Variants in MTCL1 observed in about 807,000 individuals in gnomAD.
The protein encoded by MTCL1 is microtubule crosslinking factor 1, also known as microtubule cross-linking factor 1.
A neutral mutation model predicts 141.4 loss-of-function variants in MTCL1; 79 were observed. The observed-to-expected ratio is 0.56, with a 90% CI of 0.47 to 0.67. The LOEUF (loss-of-function observed/expected upper bound fraction) is 0.67. Ranked by LOEUF, MTCL1 falls within the 30% of genes least tolerant of loss-of-function variation. MTCL1 has a pLI of 0.00. For missense variants in MTCL1, 2,177 were observed against 2,113.9 expected (o/e 1.03, Z -0.59); for synonymous variants, 914 against 875.8 (o/e 1.04, Z -0.77).
Position 8,718,663 on chromosome 18 carries a change from G to T in MTCL1, c.198+15G>T. On this transcript the variant is annotated intron_variant, in intron 3 of 16. Coordinates refer to ENST00000359865, the Ensembl canonical transcript of MTCL1. ...AGGACTTGAAGGTGAGTGAGGGGGT[G>T]GTGCGTGCACCTCGCAAGGCTGCTG... is the stretch of plus-strand genomic sequence containing the variant. 6.2e-7 allele frequency: 1 copy of T among 1,611,280 alleles called. No individual in the cohort carries two copies. Among genetic ancestry groups the T allele is most frequent in the East Asian group, 2.2e-5 (1 of 44,864 alleles).
At chr18:8,785,619 T>C (rs1421481553) in intron 6 of MTCL1, 1 of 325,962 alleles carries the variant, frequency 3.1e-6, no homozygotes, top group East Asian at 7.0e-5. Flanking sequence ...GAGTTCTGGA[T>C]TCACGCATCG....
At chr18:8,814,843 G>A (rs1005714654) in intron 12 of MTCL1, among the ~76,000 whole-genome samples, 15 of 152,142 alleles carry the variant, frequency 9.9e-5, no homozygotes, top group Non-Finnish European at 1.9e-4. Context: ...GTCACACCTT[G>A]GATATAAATT....
At chr18:8,798,028 A>C (rs1475300521) in intron 9 of MTCL1, 69 bp from the exon 9 acceptor site, 7 of 1,439,458 alleles carry the variant, frequency 4.9e-6, no homozygotes, top group Non-Finnish European at 6.6e-6. Context: ...ATCCTCAGAC[A>C]GTGAAAATCA....
chr18:8,727,555 C>G (rs566467481), intron 4 of MTCL1, among the ~76,000 whole-genome samples: 1 of 152,298 alleles, frequency 6.6e-6, no homozygotes, highest in Non-Finnish European at 1.5e-5. Context: ...TGATGTGGAG[C>G]ATTTCTTCAT....
chr18:8,773,102 CTCACGATGA>C (rs946963898), intron 4 of MTCL1, among the ~76,000 whole-genome samples: 1 of 152,130 alleles, frequency 6.6e-6, no homozygotes, highest in African/African-American at 2.4e-5. Context: ...ATAGTACTCA[CTCACGATGA>C]TAGAAGGTGC....
intron 12 of MTCL1, among the ~76,000 whole-genome samples, chr18:8,816,551 T>G (rs2076662102): frequency 6.6e-6 from 1 of 152,186 alleles, no homozygotes; most frequent in African/African-American, 2.4e-5. Flanking sequence ...ACACTACATT[T>G]CTCCTTAGAA....
chr18:8,784,569 G>T (rs150698375), exon 6 of MTCL1: 1 of 1,609,722 alleles, frequency 6.2e-7, no homozygotes, highest in South Asian at 1.1e-5. Context: ...GGGCTGCGGG[G>T]TGGTGCGCCC....
intron 6 of MTCL1, among the ~76,000 whole-genome samples, chr18:8,785,078 CT>C (rs2096547305): frequency 6.9e-6 from 1 of 144,554 alleles, no homozygotes; most frequent in African/African-American, 2.6e-5. Flanking sequence ...TTTCTCCTGT[CT>C]TATTTTTAAC....
intron 4 of MTCL1, among the ~76,000 whole-genome samples, chr18:8,746,715 G>A (rs2096340511): frequency 6.6e-6 from 1 of 152,210 alleles, no homozygotes; most frequent in Non-Finnish European, 1.5e-5. Context: ...GTTGGTGCAG[G>A]AGAGAGGGGG....
rs549814850 is a variant in MTCL1, at chr18:8,737,279, G to A, written c.357+16783G>A. Among the ~76,000 whole-genome samples the A allele has an allele frequency of 3.3e-5, 5 of 152,330 alleles. 1 individual carries two copies. Among genetic ancestry groups the A allele is most frequent in the African/African-American group, 1.2e-4 (5 of 41,562 alleles). ...AAGTTTTCTTGAGCTCTTGCACTAGGCTCTGTTTTGACATTTAGTAAATAG... is the reference window on the plus strand; with the variant it reads ...AAGTTTTCTTGAGCTCTTGCACTAGACTCTGTTTTGACATTTAGTAAATAG... On this transcript the variant is annotated intron_variant, in intron 4 of 16. Transcript: ENST00000359865.
chr18:8,715,344 T>C (rs11664601), upstream of MTCL1, among the ~76,000 whole-genome samples: 1,595 of 152,308 alleles, frequency 0.01, 24 homozygotes, highest in Non-Finnish European at 0.017. Context: ...CTTAGGGCTA[T>C]ATTGCATTTT....
rs112044376 is a variant in MTCL1, at chr18:8,815,173, G to A, written c.2859+1940G>A. ...TGCTGCTATAAAGACACATGCACAC[G>A]TATGTTTATTGCGGCAGTATTCACA... On this transcript the variant is annotated intron_variant, in intron 12 of 16. Transcript: ENST00000359865. 8.8e-3 allele frequency among the ~76,000 whole-genome samples: 1,337 copies of A among 152,196 alleles called. 19 individuals are homozygous for A. The highest frequency in any genetic ancestry group is 0.03 in the East Asian group (155 of 5,182).
intron 4 of MTCL1, among the ~76,000 whole-genome samples, chr18:8,741,686 C>A (rs1022241302): frequency 6.6e-5 from 10 of 152,110 alleles, no homozygotes; most frequent in Non-Finnish European, 5.9e-5. Context: ...AGCACAGACT[C>A]GCAAATCAGT....
chr18:8,705,575 G>A (rs1440592433), upstream of MTCL1: 12 of 1,167,300 alleles, frequency 1.0e-5, no homozygotes, highest in South Asian at 2.5e-4. This position sits in a 1 kb window ranked among gnomAD's most constrained non-coding sequence, Gnocchi z 5.2. Context: ...AGAGCGCGCG[G>A]GGAGGCTGCA....
Position 8,798,270 on chromosome 18 carries a change from CAG to C in MTCL1, c.2416_2417del (p.Arg806GlyfsTer32). On this transcript the variant is annotated frameshift_variant, in exon 10 of 17. Transcript: ENST00000359865. LOFTEE classifies it high-confidence loss of function. ...ACAGCTTGCGGCTGCAGACCGCGGA[CAG>C]GGGACAGCCCCACAAACAGGTGGGT... The C allele has an allele frequency of 6.4e-7, 1 of 1,562,342 alleles. No homozygotes were observed. Among genetic ancestry groups the C allele is most frequent in the Non-Finnish European group, 8.7e-7 (1 of 1,155,772 alleles).
intron 10 of MTCL1, among the ~76,000 whole-genome samples, chr18:8,800,013 C>G (rs1020819443): frequency 6.6e-6 from 1 of 152,226 alleles, no homozygotes; most frequent in Non-Finnish European, 1.5e-5. Context: ...ACACTCAGAC[C>G]CAGGTCTGCC....
At chr18:8,829,044 A>G (rs1319617358) in intron 16 of MTCL1, 5 of 1,609,098 alleles carry the variant, frequency 3.1e-6, no homozygotes, top group Non-Finnish European at 3.4e-6. Flanking sequence ...GACGCTCATC[A>G]CCTGAGGGAG....
intron 14 of MTCL1, among the ~76,000 whole-genome samples, chr18:8,824,011 A>G (rs1394088458): frequency 6.6e-6 from 1 of 152,138 alleles, no homozygotes; most frequent in Non-Finnish European, 1.5e-5. Flanking sequence ...GTCTACAGAC[A>G]CCTCATCGCC....
rs376804537 is a variant in MTCL1 at position 8,784,138 on chromosome 18, G to T, written c.1026G>T (p.Arg342Ser). 8 of 1,613,608 alleles carry T rather than the reference G, an allele frequency of 5.0e-6. No homozygotes were observed. The highest frequency in any genetic ancestry group is 6.8e-6 in the Non-Finnish European group (8 of 1,180,038). Residue 342 changes from arginine (R) to serine (S), a missense_variant, in exon 6 of 17, where the codon AGG (arginine) becomes AGT (serine). Coordinates refer to ENST00000359865, the Ensembl canonical transcript of MTCL1. ...TGCAGGAGGAGCTGAAGTCAGCCAG[G>T]CTGCAGATCAGCGAGCTCAGCGGCA...
Sources: allele counts gnomAD v4.1 joint callset (sites outside exome capture counted in the v4.1 genomes callset), GRCh38; gene constraint gnomAD v4.1.1; non-coding constraint Gnocchi (gnomAD v3.1); transcripts MANE v1.5; gene names NCBI Gene and HGNC (gene_info 2026-07-23, HGNC 2026-07-21).